Variants in PGM5 observed in about 807,000 individuals in gnomAD.
PGM5 encodes phosphoglucomutase-like protein 5.
A neutral mutation model predicts 59.2 loss-of-function variants in PGM5; 23 were observed. That is an observed-to-expected ratio of 0.39 (90% CI 0.28 to 0.55). The LOEUF (loss-of-function observed/expected upper bound fraction) is 0.55, where lower values mean the gene tolerates loss of function less well. Ranked by LOEUF, PGM5 falls within the 20% of genes least tolerant of loss-of-function variation. PGM5 has a pLI of 0.66. For missense variants in PGM5, 574 were observed against 748.3 expected (o/e 0.77, Z 2.72); for synonymous variants, 214 against 286.0 (o/e 0.75, Z 2.54).
At chr9:68,436,622 G>A (rs1433631672) in intron 6 of PGM5, among the ~76,000 whole-genome samples, 1 of 152,170 alleles carries the variant, frequency 6.6e-6, no homozygotes, top group Admixed American at 6.5e-5. Context: ...TTGGCCTCAT[G>A]ATTGAAATTT....
chr9:68,366,617 A>G (rs373281377), intron 1 of PGM5, among the ~76,000 whole-genome samples: 8,790 of 151,822 alleles, frequency 0.058, 3 homozygotes, highest in African/African-American at 0.1. Context: ...TCATACATGC[A>G]TATGCATTAC....
chr9:68,435,497 C>T (rs1449975159), intron 6 of PGM5, among the ~76,000 whole-genome samples: 1 of 152,124 alleles, frequency 6.6e-6, no homozygotes, highest in East Asian at 1.9e-4. Flanking sequence ...TCCAGACTTT[C>T]ATATGAATAA....
chr9:68,455,340 T>A (rs934326462), intron 6 of PGM5, among the ~76,000 whole-genome samples: 1 of 152,078 alleles, frequency 6.6e-6, no homozygotes, highest in Non-Finnish European at 1.5e-5. Flanking sequence ...CCCTGAGAGA[T>A]ATTAATCTAT....
At chr9:68,461,074 C>T (rs1179813042) in intron 6 of PGM5, among the ~76,000 whole-genome samples, 1 of 152,124 alleles carries the variant, frequency 6.6e-6, no homozygotes, top group Non-Finnish European at 1.5e-5. Context: ...CACTCAAACA[C>T]ATAAAAAGGT....
At chr9:68,438,405 G>C (rs1213279362) in intron 6 of PGM5, among the ~76,000 whole-genome samples, 1 of 150,692 alleles carries the variant, frequency 6.6e-6, no homozygotes, top group Non-Finnish European at 1.5e-5. Flanking sequence ...AACATTTCCT[G>C]TGGAGCTTTC....
At chr9:68,436,171 C>T (rs183881556) in intron 6 of PGM5, among the ~76,000 whole-genome samples, 1 of 152,294 alleles carries the variant, frequency 6.6e-6, no homozygotes, top group East Asian at 1.9e-4. Flanking sequence ...AACAGATTAG[C>T]CCAAAGGTGG....
chr9:68,415,489 G>T (rs1379278090), intron 6 of PGM5, among the ~76,000 whole-genome samples: 1 of 145,954 alleles, frequency 6.9e-6, no homozygotes, highest in African/African-American at 2.8e-5. Flanking sequence ...GAATCCCCTG[G>T]AACATGGACA....
At chr9:68,491,423 C>T (rs782093926) in intron 9 of PGM5, among the ~76,000 whole-genome samples, 1 of 152,166 alleles carries the variant, frequency 6.6e-6, no homozygotes, top group Non-Finnish European at 1.5e-5. Flanking sequence ...GGTTGTTTAG[C>T]TCTCCAGATA....
At chr9:68,361,533 C>A (rs1834580257) in intron 1 of PGM5, among the ~76,000 whole-genome samples, 1 of 152,338 alleles carries the variant, frequency 6.6e-6, no homozygotes, top group South Asian at 2.1e-4. Context: ...TAGAGACTAG[C>A]AAGTTTAAGA....
At chr9:68,480,614 G>A (rs1035961228) in intron 8 of PGM5, among the ~76,000 whole-genome samples, 3 of 151,842 alleles carry the variant, frequency 2.0e-5, no homozygotes, top group Non-Finnish European at 4.4e-5. Flanking sequence ...CAGGAGAATC[G>A]CTTGAACCTG....
chr9:68,527,560 A>C (rs558251624), intron 10 of PGM5, among the ~76,000 whole-genome samples: 1 of 152,354 alleles, frequency 6.6e-6, no homozygotes, highest in South Asian at 2.1e-4. Flanking sequence ...TTGGCATCAC[A>C]TGGGATATGT....
intron 6 of PGM5, among the ~76,000 whole-genome samples, chr9:68,457,757 G>A (rs1461320060): frequency 1.3e-5 from 2 of 152,174 alleles, no homozygotes; most frequent in Non-Finnish European, 2.9e-5. Flanking sequence ...TTAGTTTATA[G>A]GAGTGAATGA....
chr9:68,438,311 AAAGAT>A (rs1823471989), intron 6 of PGM5, among the ~76,000 whole-genome samples: 2 of 151,090 alleles, frequency 1.3e-5, no homozygotes, highest in Non-Finnish European at 1.5e-5. Context: ...AAAAAAAAAA[AAAGAT>A]AGAATCTGAG....
At chr9:68,422,258 A>C (rs1454088009) in intron 6 of PGM5, among the ~76,000 whole-genome samples, 1 of 152,150 alleles carries the variant, frequency 6.6e-6, no homozygotes. Context: ...AAAACTATCT[A>C]TATGGGGGGT....
chr9:68,451,126 C>T (rs1823689660), intron 6 of PGM5, among the ~76,000 whole-genome samples: 1 of 152,182 alleles, frequency 6.6e-6, no homozygotes, highest in South Asian at 2.1e-4. Context: ...CACATACACA[C>T]ATGCATTTTA....
At chr9:68,444,152 G>T (rs534417460) in intron 6 of PGM5, among the ~76,000 whole-genome samples, 2 of 151,714 alleles carry the variant, frequency 1.3e-5, no homozygotes, top group East Asian at 3.9e-4. Context: ...TCAAGGATGG[G>T]GTGTTTTGGG....
chr9:68,470,747 T>C (rs1231052743), intron 7 of PGM5, among the ~76,000 whole-genome samples: 4 of 152,190 alleles, frequency 2.6e-5, no homozygotes, highest in African/African-American at 9.7e-5. Flanking sequence ...GGCCAGTGTG[T>C]ATAAATTTGG....
rs1824749788 is a variant in PGM5, at chr9:68,511,545, C to CATTTTT, written c.1614+12184_1614+12185insATTTTT. On this transcript the variant is annotated intron_variant, in intron 10 of 10. Coordinates refer to ENST00000396396, the MANE Select transcript of PGM5 (RefSeq NM_021965.4). Reference sequence around the variant, plus strand: ...TTGTCACTAATGTTATTGTTTTTGCCTTTTTTTTTTTTTTTTTTTTTTTTT... The same window carrying CATTTTT: ...TTGTCACTAATGTTATTGTTTTTGCCATTTTTTTTTTTTTTTTTTTTTTTTTTTTTT... Among the ~76,000 whole-genome samples, 6 of 62,736 alleles carry CATTTTT rather than the reference C, an allele frequency of 9.6e-5. No individual in the cohort carries two copies. In the Admixed American group the frequency reaches 1.4e-3, roughly 15 times the overall value. 41.2% of individuals were successfully genotyped at this position (62,736 alleles called of 152,430 possible).
At chr9:68,372,409 C>T (rs1370278221) in intron 1 of PGM5, among the ~76,000 whole-genome samples, 9 of 152,000 alleles carry the variant, frequency 5.9e-5, no homozygotes, top group African/African-American at 2.2e-4. Context: ...CAAAGTGCTG[C>T]ATCTTCCGTG....
Sources: allele counts gnomAD v4.1 joint callset (sites outside exome capture counted in the v4.1 genomes callset), GRCh38; gene constraint gnomAD v4.1.1; transcripts MANE v1.5; gene names NCBI Gene and HGNC (gene_info 2026-07-23, HGNC 2026-07-21).